Variants in PTGER3 observed in about 807,000 individuals in gnomAD.
PTGER3 encodes prostaglandin E2 receptor EP3 subtype.
Under a neutral mutation model 34.7 loss-of-function variants are expected in PTGER3, and 22 were observed. That is an observed-to-expected ratio of 0.63 (90% confidence interval 0.45 to 0.91). PTGER3 has a LOEUF of 0.91. Among genes scored for constraint, PTGER3 ranks in the 40% least tolerant of loss-of-function variants. The pLI is 0.00. For missense variants in PTGER3, 468 were observed against 519.4 expected, an observed-to-expected ratio of 0.90 and a Z score of 0.96; for synonymous variants, 241 against 230.1, an observed-to-expected ratio of 1.05 and a Z score of -0.43.
rs28380409 is a variant in PTGER3 at position 70,926,419 on chromosome 1, A to G, written c.*23+27344T>C. On this transcript the variant is annotated intron_variant, in intron 4 of 4. Coordinates refer to the PTGER3 transcript ENST00000370931. ...ACGTCCCTTGTAAGTTGGATTCCTA[A>G]GTATTTTATTCTCTTTGAAGCAATT... 4.4e-4 allele frequency among the ~76,000 whole-genome samples: 67 copies of G among 152,146 alleles called. 1 individual carries two copies. Among genetic ancestry groups the G allele is most frequent in the Non-Finnish European group, 7.7e-4 (52 of 67,966 alleles).
At chr1:70,938,838 A>G (rs989116438) in intron 4 of PTGER3, among the ~76,000 whole-genome samples, 1 of 152,176 alleles carries the variant, frequency 6.6e-6, no homozygotes, top group African/African-American at 2.4e-5. Flanking sequence ...GGGAGATACA[A>G]GTCTAGATTT....
At chr1:70,942,915 G>T (rs1019649128) in intron 4 of PTGER3, among the ~76,000 whole-genome samples, 2 of 152,244 alleles carry the variant, frequency 1.3e-5, no homozygotes, top group African/African-American at 4.8e-5. Context: ...CCAACATGTT[G>T]ATTTTAGACT....
chr1:70,865,556 T>C, intron 4 of PTGER3: 1 of 1,138,460 alleles, frequency 8.8e-7, no homozygotes. Context: ...ACTTATAAAA[T>C]CAGGCCACAA....
At chr1:70,977,391 C>G (rs1653810245) in intron 2 of PTGER3, among the ~76,000 whole-genome samples, 2 of 152,002 alleles carry the variant, frequency 1.3e-5, no homozygotes, top group Admixed American at 6.6e-5. Flanking sequence ...TACGAGATTC[C>G]TTCCAGAATG....
intron 4 of PTGER3, among the ~76,000 whole-genome samples, chr1:70,881,960 C>T (rs1253532922): frequency 6.6e-6 from 1 of 152,196 alleles, no homozygotes; most frequent in Non-Finnish European, 1.5e-5. Flanking sequence ...GAATTGCCCA[C>T]CCTGCCATCT....
chr1:70,879,937 A>G (rs2100586707), intron 4 of PTGER3, among the ~76,000 whole-genome samples: 1 of 152,184 alleles, frequency 6.6e-6, no homozygotes, highest in Middle Eastern at 3.4e-3. Context: ...TACTAAAAAT[A>G]TAAAAATTAG....
At chr1:70,910,425 A>C (rs1298085106) in intron 4 of PTGER3, among the ~76,000 whole-genome samples, 3 of 152,070 alleles carry the variant, frequency 2.0e-5, no homozygotes, top group Admixed American at 6.6e-5. Flanking sequence ...TTTTTCTAGA[A>C]ATGGAGTCTC....
intron 4 of PTGER3, among the ~76,000 whole-genome samples, chr1:70,901,180 C>T (rs1437650688): frequency 3.3e-5 from 5 of 152,146 alleles, no homozygotes; most frequent in African/African-American, 1.2e-4. Context: ...TGTATGTGGA[C>T]TAAAGTTAAC....
chr1:70,862,390 G>A, intron 4 of PTGER3: 1 of 1,365,692 alleles, frequency 7.3e-7, no homozygotes, highest in South Asian at 1.1e-5. Context: ...GGACACTGCA[G>A]GGTTCTCCTA....
chr1:71,010,641 A>G, intron 2 of PTGER3: 6 of 984,648 alleles, frequency 6.1e-6, no homozygotes, highest in Non-Finnish European at 7.2e-6. Flanking sequence ...TCTTATACCC[A>G]ATGAGATGAC....
rs59431299 is a variant in PTGER3 at position 70,935,672 on chromosome 1, A to ATATATATATATATATATAT, written c.*23+18090_*23+18091insATATATATATATATATATA. ...TGTTGGTACTAAGGATACAAATATA[A>ATATATATATATATATATAT]ATATATATATATATATATATATGTT... On this transcript the variant is annotated intron_variant, in intron 4 of 4. Coordinates refer to the PTGER3 transcript ENST00000370931. 7.0e-4 allele frequency among the ~76,000 whole-genome samples: 98 copies of ATATATATATATATATATAT among 140,200 alleles called. 1 individual carries two copies. The highest frequency in any genetic ancestry group is 2.1e-3 in the African/African-American group (78 of 36,414). 92.0% of individuals were successfully genotyped at this position (140,200 alleles called of 152,430 possible). A position where few individuals can be genotyped will look rare whatever the true frequency, so the allele number is the denominator to read the frequency against.
chr1:70,989,035 C>T (rs7540274), intron 2 of PTGER3, among the ~76,000 whole-genome samples: 8,697 of 152,052 alleles, frequency 0.057, 448 homozygotes, highest in African/African-American at 0.13. Flanking sequence ...ATGTAATTCC[C>T]CCCCCAAAAC....
chr1:70,972,299 T>C (rs1049291607), intron 3 of PTGER3, among the ~76,000 whole-genome samples: 1 of 152,118 alleles, frequency 6.6e-6, no homozygotes, highest in Non-Finnish European at 1.5e-5. Flanking sequence ...CTCCAGCCTG[T>C]TGACAGAGCG....
rs943030566 is a variant in PTGER3, at chr1:71,008,864, A to G, written c.1077+3441T>C. 5 of 962,134 alleles carry G rather than the reference A, an allele frequency of 5.2e-6. No homozygotes were observed. The African/African-American group carries it at 8.8e-5, about 17-fold the overall frequency. 59.6% of individuals were successfully genotyped at this position (962,134 alleles called of 1,614,324 possible). A position where few individuals can be genotyped will look rare whatever the true frequency, so the allele number is the denominator to read the frequency against. On this transcript the variant is annotated intron_variant, in intron 2 of 3. Transcript: ENST00000306666. ...CAAGTTAGGCTTTTTATGTGTTTGT[A>G]ATAATAAATACTCTGTAGTCTCCCT...
At chr1:70,963,688 T>G (rs1652202042) in intron 2 of PTGER3, among the ~76,000 whole-genome samples, 1 of 152,032 alleles carries the variant, frequency 6.6e-6, no homozygotes, top group East Asian at 1.9e-4. Context: ...GAATCCACTT[T>G]TTCTCTCCTA....
chr1:70,855,176 A>G (rs991273618), intron 4 of PTGER3, among the ~76,000 whole-genome samples: 2 of 152,202 alleles, frequency 1.3e-5, no homozygotes, highest in Non-Finnish European at 2.9e-5. Flanking sequence ...GTGCTATAAC[A>G]TTGATGAACC....
chr1:70,968,966 G>T (rs763895042), downstream of PTGER3, among the ~76,000 whole-genome samples: 10 of 152,066 alleles, frequency 6.6e-5, no homozygotes, highest in Non-Finnish European at 1.0e-4. Context: ...CAGCACTTTG[G>T]GGGGTTGAGG....
intron 2 of PTGER3, among the ~76,000 whole-genome samples, chr1:70,963,228 T>C (rs1652132596): frequency 6.6e-6 from 1 of 152,162 alleles, no homozygotes; most frequent in Non-Finnish European, 1.5e-5. Flanking sequence ...CCTGACTGAT[T>C]TCATGGGCTG....
intron 4 of PTGER3, among the ~76,000 whole-genome samples, chr1:70,917,889 G>A (rs747691837): frequency 4.0e-5 from 6 of 151,874 alleles, no homozygotes; most frequent in Non-Finnish European, 7.4e-5. Context: ...TTTTAAAAAT[G>A]GAATTATTTG....
Sources: gnomAD v4.1 joint callset for allele counts (sites outside exome capture counted in the v4.1 genomes callset) on GRCh38, gnomAD v4.1.1 for gene constraint, MANE v1.5 for transcripts, NCBI Gene and HGNC (gene_info 2026-07-23, HGNC 2026-07-21) for gene names.